AGBL4: variants seen among roughly 807,000 people sequenced by gnomAD.
The protein encoded by AGBL4 is cytosolic carboxypeptidase 6.
A neutral mutation model predicts 66.4 loss-of-function variants in AGBL4; 58 were observed. That is an observed-to-expected ratio of 0.87 (90% confidence interval 0.71 to 1.09). AGBL4 has a LOEUF of 1.09. Ranked by LOEUF, AGBL4 falls within the 50% of genes least tolerant of loss-of-function variation. The probability of loss-of-function intolerance (pLI) is 0.00; values close to 1 mark genes in which losing one functional copy is unlikely to be tolerated. For synonymous variants in AGBL4, 234 were observed against 222.9 expected, an observed-to-expected ratio of 1.05 and a Z score of -0.44; for missense variants, 579 against 631.0, an observed-to-expected ratio of 0.92 and a Z score of 0.88.
At chr1:49,964,617 AGTT>A (rs991675334) in intron 1 of AGBL4, among the ~76,000 whole-genome samples, 1 of 152,148 alleles carries the variant, frequency 6.6e-6, no homozygotes, top group African/African-American at 2.4e-5. Context: ...TTTATTAAAC[AGTT>A]ATTACAGAAA....
At chr1:49,658,250 T>C (rs900512420) in intron 3 of AGBL4, among the ~76,000 whole-genome samples, 2 of 151,978 alleles carry the variant, frequency 1.3e-5, no homozygotes, top group Admixed American at 1.3e-4. Context: ...AACAGACACA[T>C]GAAAAAATGC....
At chr1:48,773,345 A>C (rs1644927816) in intron 6 of AGBL4, among the ~76,000 whole-genome samples, 1 of 152,194 alleles carries the variant, frequency 6.6e-6, no homozygotes, top group Non-Finnish European at 1.5e-5. Context: ...TCTCACTTTC[A>C]CAACCTGCTT....
chr1:48,879,244 C>T (rs912701418), intron 5 of AGBL4, among the ~76,000 whole-genome samples: 8 of 150,134 alleles, frequency 5.3e-5, no homozygotes. Context: ...TTTCCAGGGA[C>T]ACATCTTGAA....
At position 49,463,393 on chromosome 1, in the gene AGBL4, T is replaced by TG. The variant is rs377170388; in HGVS notation, c.283-217530_283-217529insC. On this transcript the variant is annotated intron_variant, in intron 3 of 13. Coordinates refer to ENST00000371839, the MANE Select transcript of AGBL4 (RefSeq NM_032785.4). ...AAAATTTCAGGTTTGGAAGATAAATTTATGACCGACCACATTTTACTATGA... is the reference window on the plus strand; with the variant it reads ...AAAATTTCAGGTTTGGAAGATAAATTGTATGACCGACCACATTTTACTATGA... 1.9e-3 allele frequency among the ~76,000 whole-genome samples: 293 copies of TG among 151,812 alleles called. 3 individuals carry two copies. Among genetic ancestry groups the TG allele is most frequent in the South Asian group, 0.01 (49 of 4,820 alleles).
intron 6 of AGBL4, among the ~76,000 whole-genome samples, chr1:48,683,616 G>A (rs1419763423): frequency 2.0e-5 from 3 of 152,232 alleles, no homozygotes; most frequent in Non-Finnish European, 2.9e-5. Flanking sequence ...GGGAGGTTGT[G>A]TGTAAGGCTG....
intron 3 of AGBL4, among the ~76,000 whole-genome samples, chr1:49,608,275 ATTC>A (rs1306893417): frequency 6.6e-6 from 1 of 152,150 alleles, no homozygotes; most frequent in Non-Finnish European, 1.5e-5. Context: ...TTTTAAAAAA[ATTC>A]TTCTCTCAGT....
In AGBL4 at chr1:49,729,047, CG is replaced by C. The variant is rs745514792; in HGVS notation, c.158-31611del. ...CAGAAAAGTGCACACAATCATGAAC[CG>C]GGGAGGGCAGAGAATTAAACCTTAT... On this transcript the variant is annotated intron_variant, in intron 2 of 13. Coordinates refer to ENST00000371839, the MANE Select transcript of AGBL4 (RefSeq NM_032785.4). Among the ~76,000 whole-genome samples the C allele has an allele frequency of 2.6e-5, 4 of 152,108 alleles. No homozygotes were observed. The East Asian group carries it at 7.7e-4, about 29-fold the overall frequency.
chr1:49,907,909 G>T (rs1211938553), intron 1 of AGBL4, among the ~76,000 whole-genome samples: 2 of 151,844 alleles, frequency 1.3e-5, no homozygotes, highest in Admixed American at 1.3e-4. Flanking sequence ...GGGGGTGGGG[G>T]TATGTGAGAA....
chr1:49,144,024 C>T (rs1204405668), intron 4 of AGBL4, among the ~76,000 whole-genome samples: 1 of 152,188 alleles, frequency 6.6e-6, no homozygotes, highest in African/African-American at 2.4e-5. Flanking sequence ...CAGAGATTGT[C>T]TCATAAGTTC....
intron 3 of AGBL4, among the ~76,000 whole-genome samples, chr1:49,669,297 G>A (rs1272650426): frequency 6.6e-6 from 1 of 152,058 alleles, no homozygotes; most frequent in South Asian, 2.1e-4. Flanking sequence ...GACACAGAGA[G>A]CCCAACTCAT....
At chr1:49,489,381 T>G (rs1647140150) in intron 3 of AGBL4, among the ~76,000 whole-genome samples, 2 of 151,908 alleles carry the variant, frequency 1.3e-5, no homozygotes, top group African/African-American at 4.8e-5. Flanking sequence ...AATCAGATTA[T>G]TAGATTTTTT....
At chr1:49,880,809 G>A (rs1222250470) in intron 1 of AGBL4, among the ~76,000 whole-genome samples, 4 of 151,778 alleles carry the variant, frequency 2.6e-5, no homozygotes, top group African/African-American at 7.3e-5. Context: ...AGCAATCAGC[G>A]AGATTCCGTG....
At chr1:49,036,888 G>A (rs762514519) in intron 5 of AGBL4, among the ~76,000 whole-genome samples, 19 of 152,080 alleles carry the variant, frequency 1.2e-4, no homozygotes, top group Non-Finnish European at 2.5e-4. Context: ...TAGGCCCAGA[G>A]GGTGGGGCTA....
intron 4 of AGBL4, among the ~76,000 whole-genome samples, chr1:49,076,451 T>C (rs761475183): frequency 4.6e-5 from 7 of 152,220 alleles, no homozygotes; most frequent in Non-Finnish European, 8.8e-5. Flanking sequence ...ATTGTATACA[T>C]TCACTATTGA....
intron 11 of AGBL4, among the ~76,000 whole-genome samples, chr1:48,568,377 T>C (rs1644508697): frequency 1.3e-5 from 2 of 152,130 alleles, no homozygotes; most frequent in Admixed American, 1.3e-4. Context: ...GATAGGGCTT[T>C]AGGCTAGCTT....
intron 3 of AGBL4, among the ~76,000 whole-genome samples, chr1:49,601,904 A>G (rs1644967131): frequency 6.6e-6 from 1 of 152,304 alleles, no homozygotes; most frequent in African/African-American, 2.4e-5. Flanking sequence ...CTATCACTGG[A>G]GTGAACAGGC....
chr1:48,677,865 T>A (rs1254780954), intron 6 of AGBL4, among the ~76,000 whole-genome samples: 1 of 152,076 alleles, frequency 6.6e-6, no homozygotes, highest in Non-Finnish European at 1.5e-5. Flanking sequence ...ACTAGGGTGA[T>A]GGGGAGATAC....
At chr1:49,417,727 G>A (rs1468170794) in intron 3 of AGBL4, among the ~76,000 whole-genome samples, 1 of 151,998 alleles carries the variant, frequency 6.6e-6, no homozygotes, top group Non-Finnish European at 1.5e-5. Flanking sequence ...ATGTCTTTAG[G>A]TTAAAATACA....
At chr1:48,555,560 G>T (rs2148289707) in intron 11 of AGBL4, among the ~76,000 whole-genome samples, 1 of 152,338 alleles carries the variant, frequency 6.6e-6, no homozygotes, top group Admixed American at 6.5e-5. Context: ...TGCAAGCACA[G>T]ATCATGAGTG....
Sources: allele counts gnomAD v4.1 joint callset (sites outside exome capture counted in the v4.1 genomes callset), GRCh38; gene constraint gnomAD v4.1.1; transcripts MANE v1.5; gene names NCBI Gene and HGNC (gene_info 2026-07-23, HGNC 2026-07-21).